POLR3B: variants seen among roughly 807,000 people sequenced by gnomAD.
The protein encoded by POLR3B is RNA polymerase III subunit B.
In POLR3B, 96 loss-of-function variants were observed where a neutral mutation model predicts 147.4. That is an observed-to-expected ratio of 0.65 (90% CI 0.55 to 0.77). The LOEUF (loss-of-function observed/expected upper bound fraction) is 0.77, where lower values mean the gene tolerates loss of function less well. POLR3B is among the 30% of genes least tolerant of loss of function. The pLI is 0.00. For missense variants in POLR3B, 1,036 were observed against 1,413.5 expected (o/e 0.73, Z 4.28); for synonymous variants, 461 against 485.9 (o/e 0.95, Z 0.67).
intron 25 of POLR3B, 150 bp downstream of exon 25, chr12:106,497,068 G>A (rs758518358): frequency 2.3e-5 from 16 of 701,164 alleles, no homozygotes; most frequent in South Asian, 6.6e-5. Flanking sequence ...CTTCGAATGC[G>A]GTCTGACACA....
intron 12 of POLR3B, among the ~76,000 whole-genome samples, chr12:106,423,875 G>A (rs1406234283): frequency 6.7e-6 from 1 of 149,968 alleles, no homozygotes; most frequent in South Asian, 2.1e-4. Context: ...TTTTTCCTCG[G>A]GACAAGAGTC....
At chr12:106,464,083 A>C (rs2037974679) in intron 23 of POLR3B, among the ~76,000 whole-genome samples, 1 of 152,126 alleles carries the variant, frequency 6.6e-6, no homozygotes, top group Non-Finnish European at 1.5e-5. Flanking sequence ...TTCAGTGGCC[A>C]GTCAAGGATA....
At chr12:106,433,916 A>T in intron 16 of POLR3B, 44 bp downstream of exon 16, 4 of 1,492,020 alleles carry the variant, frequency 2.7e-6, no homozygotes, top group Non-Finnish European at 3.7e-6. Context: ...GAATCTCTTT[A>T]TATTTGCTCT....
At chr12:106,507,889 A>G (rs1258413763) in intron 27 of POLR3B, 4 of 446,882 alleles carry the variant, frequency 9.0e-6, no homozygotes, top group Non-Finnish European at 1.8e-5. Flanking sequence ...GTTACCACAA[A>G]TATAAAGTGA....
chr12:106,487,735 T>TTA (rs2038358780), intron 23 of POLR3B, among the ~76,000 whole-genome samples: 1 of 151,966 alleles, frequency 6.6e-6, no homozygotes, highest in Non-Finnish European at 1.5e-5. Context: ...GCTTCAAAGG[T>TTA]GGTAGGATAA....
At chr12:106,423,164 A>T (rs1480115694) in intron 12 of POLR3B, among the ~76,000 whole-genome samples, 6 of 152,156 alleles carry the variant, frequency 3.9e-5, no homozygotes, top group Non-Finnish European at 1.5e-5. Context: ...TATCAGTAGA[A>T]GGCAATCTTG....
At chr12:106,445,672 T>A (rs1025806843) in intron 19 of POLR3B, among the ~76,000 whole-genome samples, 1 of 152,218 alleles carries the variant, frequency 6.6e-6, no homozygotes, top group Non-Finnish European at 1.5e-5. Flanking sequence ...ATTTAGTAAA[T>A]TTTATTTTCA....
rs1565918895 is a variant in POLR3B, at chr12:106,504,609, A to G, written c.3272+355A>G. Among the ~76,000 whole-genome samples, 1 of 152,228 alleles carries G rather than the reference A, an allele frequency of 6.6e-6. No individual in the cohort carries two copies. The highest frequency in any genetic ancestry group is 1.5e-5 in the Non-Finnish European group (1 of 68,042). On this transcript the variant is annotated intron_variant, in intron 27 of 27. Coordinates refer to ENST00000228347, the MANE Select transcript of POLR3B (RefSeq NM_018082.6). The surrounding 1 kb of genome is among the most constrained non-coding windows in gnomAD (Gnocchi z 4.6). The stretch of plus-strand genomic sequence containing the variant: ...GTGTTAAAGAAACTCTTTAGGGAAG[A>G]TTACATCGAATGCTTTCATTTGTAA...
intron 9 of POLR3B, among the ~76,000 whole-genome samples, chr12:106,386,670 G>A (rs1382386457): frequency 1.3e-5 from 2 of 152,084 alleles, no homozygotes; most frequent in Non-Finnish European, 1.5e-5. Context: ...CACTTTGGGA[G>A]GCCGAGGTGG....
At chr12:106,379,385 C>T (rs971662178) in intron 8 of POLR3B, among the ~76,000 whole-genome samples, 16 of 152,214 alleles carry the variant, frequency 1.1e-4, no homozygotes, top group African/African-American at 3.9e-4. Context: ...TTGGTTTCCT[C>T]ATAAGTGATT....
chr12:106,461,958 G>C (rs938119628), intron 22 of POLR3B, among the ~76,000 whole-genome samples: 8 of 152,124 alleles, frequency 5.3e-5, no homozygotes, highest in African/African-American at 1.9e-4. Flanking sequence ...ATCAGCACTT[G>C]GACAGCTTTA....
intron 12 of POLR3B, among the ~76,000 whole-genome samples, chr12:106,417,459 G>A (rs1392533415): frequency 6.6e-6 from 1 of 152,126 alleles, no homozygotes; most frequent in Non-Finnish European, 1.5e-5. Flanking sequence ...TTTAGTCAGG[G>A]GAGTGACATG....
intron 6 of POLR3B, among the ~76,000 whole-genome samples, chr12:106,374,242 G>A (rs1410538537): frequency 1.3e-5 from 2 of 151,898 alleles, no homozygotes; most frequent in African/African-American, 4.8e-5. Flanking sequence ...TTTGAGACAG[G>A]GTCTCACTCT....
intron 23 of POLR3B, among the ~76,000 whole-genome samples, chr12:106,485,136 C>T (rs2038320083): frequency 6.6e-6 from 1 of 152,138 alleles, no homozygotes; most frequent in Admixed American, 6.5e-5. Flanking sequence ...GTTCTAAAGA[C>T]TTGGAAGTGG....
intron 12 of POLR3B, among the ~76,000 whole-genome samples, chr12:106,421,046 C>T (rs952725689): frequency 3.3e-5 from 5 of 151,698 alleles, no homozygotes; most frequent in South Asian, 4.2e-4. Flanking sequence ...ATCCATATAC[C>T]GTATAATTTC....
chr12:106,460,380 A>G (rs1442056495), intron 22 of POLR3B, among the ~76,000 whole-genome samples: 3 of 152,202 alleles, frequency 2.0e-5, no homozygotes, highest in Non-Finnish European at 1.5e-5. Flanking sequence ...GCTCATTAGA[A>G]AGATAAGATG....
intron 6 of POLR3B, among the ~76,000 whole-genome samples, chr12:106,370,880 C>A: frequency 6.6e-6 from 1 of 152,092 alleles, no homozygotes; most frequent in Non-Finnish European, 1.5e-5. Flanking sequence ...GATCCGCCCG[C>A]CTTGGACTCT....
intron 10 of POLR3B, among the ~76,000 whole-genome samples, chr12:106,402,509 T>C (rs1247340272): frequency 6.6e-6 from 1 of 152,102 alleles, no homozygotes; most frequent in Non-Finnish European, 1.5e-5. Context: ...CCAAGTCAAT[T>C]CTAAGCCCAA....
intron 25 of POLR3B, among the ~76,000 whole-genome samples, chr12:106,497,682 C>T (rs2038516772): frequency 1.3e-5 from 2 of 152,270 alleles, no homozygotes; most frequent in East Asian, 3.9e-4. Flanking sequence ...GTGCTAAGCA[C>T]CTACCTAATA....
Sources: allele counts gnomAD v4.1 joint callset (sites outside exome capture counted in the v4.1 genomes callset), GRCh38; gene constraint gnomAD v4.1.1; non-coding constraint Gnocchi (gnomAD v3.1); transcripts MANE v1.5; gene names NCBI Gene and HGNC (gene_info 2026-07-23, HGNC 2026-07-21).